Variants in CDH18 observed in about 807,000 individuals in gnomAD.
CDH18 encodes cadherin 18.
A neutral mutation model predicts 67.9 loss-of-function variants in CDH18; 31 were observed. The observed-to-expected ratio is 0.46, with a 90% CI of 0.34 to 0.62. The LOEUF (loss-of-function observed/expected upper bound fraction) is 0.62. CDH18 is among the 20% of genes least tolerant of loss of function. The pLI is 0.01. For synonymous variants in CDH18, 362 were observed against 347.2 expected, an observed-to-expected ratio of 1.04 and a Z score of -0.48; for missense variants, 890 against 975.5, an observed-to-expected ratio of 0.91 and a Z score of 1.17.
intron 3 of CDH18, among the ~76,000 whole-genome samples, chr5:19,782,615 C>A (rs187164032): frequency 1.3e-5 from 2 of 152,054 alleles, no homozygotes; most frequent in Non-Finnish European, 2.9e-5. Context: ...TGATTAGGAG[C>A]CTAATTTTGG....
At position 19,838,843 on chromosome 5, in the gene CDH18, A is replaced by T; in HGVS notation, c.144T>A (p.His48Gln). The T allele has an allele frequency of 6.2e-7, 1 of 1,614,078 alleles. No individual in the cohort carries two copies. The highest frequency in any genetic ancestry group is 8.5e-7 in the Non-Finnish European group (1 of 1,179,954). ...TKHIEGETEV[H>Q]HRPKRGWVWN... is the part of the protein sequence containing the mutation. ...ATACCCATCCCCTTTTGGGACGATG[A>T]TGGACTTCGGTTTCACCTTCAATGT... The change falls in exon 3 of 13, where the codon CAT (histidine) becomes CAA (glutamine). Residue 48 changes from histidine (H) to glutamine (Q), a missense_variant. Physicochemically the swap from His to Gln is conservative, Grantham distance 24 (BLOSUM62 0). Around this residue, in one of 2 missense-constraint regions of CDH18, gnomAD observed 234 missense variants for 307.4 expected, o/e 0.76. Transcript: ENST00000382275.
chr5:19,851,313 A>C (rs1783660202), intron 2 of CDH18, among the ~76,000 whole-genome samples: 2 of 151,344 alleles, frequency 1.3e-5, no homozygotes, highest in South Asian at 2.1e-4. Context: ...TTTGTTCTTA[A>C]AATATTTATT....
chr5:20,408,036 A>G (rs1383601994), intron 1 of CDH18, among the ~76,000 whole-genome samples: 4 of 152,068 alleles, frequency 2.6e-5, no homozygotes, highest in Non-Finnish European at 4.4e-5. Flanking sequence ...CTTATAACAT[A>G]CAAGGGAATC....
intron 2 of CDH18, among the ~76,000 whole-genome samples, chr5:19,872,592 C>T (rs1163619926): frequency 6.6e-6 from 1 of 152,102 alleles, no homozygotes; most frequent in Non-Finnish European, 1.5e-5. Context: ...TATCAATAAC[C>T]TAAATGAGCT....
At chr5:19,543,626 G>A (rs1735788376) in intron 9 of CDH18, among the ~76,000 whole-genome samples, 1 of 152,076 alleles carries the variant, frequency 6.6e-6, no homozygotes, top group Non-Finnish European at 1.5e-5. Flanking sequence ...CTTGACTCAA[G>A]GATGAGGCAT....
chr5:20,380,599 G>T (rs776971875), intron 1 of CDH18, among the ~76,000 whole-genome samples: 2 of 152,040 alleles, frequency 1.3e-5, no homozygotes, highest in African/African-American at 4.8e-5. Context: ...GTTAATTTTA[G>T]GCACACAACA....
chr5:20,205,802 A>G (rs934318190), intron 2 of CDH18, among the ~76,000 whole-genome samples: 7 of 151,840 alleles, frequency 4.6e-5, no homozygotes, highest in Non-Finnish European at 7.4e-5. Context: ...AATTTAAACA[A>G]TTGAAAATGT....
intron 5 of CDH18, among the ~76,000 whole-genome samples, chr5:19,663,134 T>G (rs1433703811): frequency 2.0e-5 from 3 of 151,940 alleles, no homozygotes; most frequent in Non-Finnish European, 2.9e-5. Flanking sequence ...GATAATAAAA[T>G]TAATGCTTTC....
intron 7 of CDH18, among the ~76,000 whole-genome samples, chr5:19,582,654 A>C (rs1327510761): frequency 6.6e-6 from 1 of 152,046 alleles, no homozygotes; most frequent in Non-Finnish European, 1.5e-5. Flanking sequence ...ATTCCTAAGG[A>C]ATGTTCATAT....
chr5:19,593,707 C>CCTCCTT, intron 6 of CDH18, among the ~76,000 whole-genome samples: 15 of 33,402 alleles, frequency 4.5e-4, no homozygotes, highest in African/African-American at 1.5e-3. Context: ...TCCTCCTCCT[C>CCTCCTT]CTTCTTCTTC....
chr5:20,425,802 T>C (rs1166811471), intron 1 of CDH18, among the ~76,000 whole-genome samples: 1 of 151,168 alleles, frequency 6.6e-6, no homozygotes, highest in Admixed American at 6.6e-5. Context: ...CATATTAATA[T>C]TTTGAATTCT....
At chr5:20,264,927 A>C (rs1173867331) in intron 1 of CDH18, among the ~76,000 whole-genome samples, 1 of 152,114 alleles carries the variant, frequency 6.6e-6, no homozygotes, top group Non-Finnish European at 1.5e-5. Context: ...TAGTTTCCCA[A>C]GAATGATTTT....
At chr5:19,712,426 T>A (rs1561118542) in intron 5 of CDH18, among the ~76,000 whole-genome samples, 1 of 151,884 alleles carries the variant, frequency 6.6e-6, no homozygotes, top group Non-Finnish European at 1.5e-5. Flanking sequence ...AGAGAAGAAA[T>A]GCCATATGAA....
intron 2 of CDH18, among the ~76,000 whole-genome samples, chr5:19,958,342 T>C (rs1166893773): frequency 2.1e-5 from 2 of 93,184 alleles, no homozygotes; most frequent in East Asian, 6.6e-4. Context: ...TTTCTTATAC[T>C]AGATAAAGAA....
At chr5:20,239,288 C>T (rs1206353885) in intron 2 of CDH18, among the ~76,000 whole-genome samples, 1 of 151,970 alleles carries the variant, frequency 6.6e-6, no homozygotes, top group Non-Finnish European at 1.5e-5. Flanking sequence ...AGCCCCATCT[C>T]TACTAAAATA....
chr5:19,952,812 T>G (rs1464284210), intron 2 of CDH18, among the ~76,000 whole-genome samples: 1 of 152,114 alleles, frequency 6.6e-6, no homozygotes, highest in Admixed American at 6.6e-5. Flanking sequence ...AGGGGAAATA[T>G]TTTGGAGAAA....
intron 2 of CDH18, among the ~76,000 whole-genome samples, chr5:20,034,886 T>C (rs752600789): frequency 4.6e-5 from 7 of 152,096 alleles, no homozygotes; most frequent in Non-Finnish European, 7.4e-5. Flanking sequence ...TCTAAAGAAC[T>C]CTGCCCAATA....
intron 2 of CDH18, among the ~76,000 whole-genome samples, chr5:20,034,623 G>T (rs1379828165): frequency 6.6e-6 from 1 of 151,960 alleles, no homozygotes; most frequent in African/African-American, 2.4e-5. Context: ...TTCAAGCTAG[G>T]ACATCAGCCT....
chr5:20,486,925 A>T (rs1753230893), intron 1 of CDH18, among the ~76,000 whole-genome samples: 1 of 152,108 alleles, frequency 6.6e-6, no homozygotes, highest in African/African-American at 2.4e-5. Context: ...CAACATGAAA[A>T]CTGCAGTGGC....
Sources: allele counts gnomAD v4.1 joint callset (sites outside exome capture counted in the v4.1 genomes callset), GRCh38; gene constraint gnomAD v4.1.1; regional missense constraint gnomAD v4.1.1; transcripts MANE v1.5; gene names NCBI Gene and HGNC (gene_info 2026-07-23, HGNC 2026-07-21).